SLC14A2: variants seen among roughly 807,000 people sequenced by gnomAD.
SLC14A2 encodes the protein urea transporter 2.
SLC14A2 carries 91 observed loss-of-function variants against 104.6 expected under a neutral mutation model. The ratio of observed to expected loss-of-function variants is 0.87; its 90% CI spans 0.73 to 1.04. The LOEUF is 1.04. Among genes scored for constraint, SLC14A2 ranks in the 50% least tolerant of loss-of-function variants. The pLI is 0.00. For synonymous variants in SLC14A2, 476 were observed against 466.4 expected, an observed-to-expected ratio of 1.02 and a Z score of -0.27; for missense variants, 1,189 against 1,156.0, an observed-to-expected ratio of 1.03 and a Z score of -0.41.
At chr18:45,322,400 A>G (rs534666066) in intron 1 of SLC14A2, among the ~76,000 whole-genome samples, 38 of 152,344 alleles carry the variant, frequency 2.5e-4, no homozygotes, top group African/African-American at 8.2e-4. Context: ...TTAAAAAAAC[A>G]TTTCCAAGGA....
chr18:45,567,393 G>C (rs1245074766), intron 2 of SLC14A2, among the ~76,000 whole-genome samples: 1 of 152,178 alleles, frequency 6.6e-6, no homozygotes, highest in African/African-American at 2.4e-5. Flanking sequence ...GCATCTTAAA[G>C]GGACCCCGAC....
At chr18:45,581,386 G>A (rs1427373987) in intron 2 of SLC14A2, among the ~76,000 whole-genome samples, 5 of 152,194 alleles carry the variant, frequency 3.3e-5, no homozygotes, top group East Asian at 1.9e-4. Flanking sequence ...GCTAAGGAGA[G>A]AGGCCGTGGA....
chr18:45,536,698 G>A lies in SLC14A2; in HGVS notation c.-35+53376G>A, dbSNP rs146777667. On this transcript the variant is annotated intron_variant, in intron 2 of 20. Coordinates refer to the SLC14A2 transcript ENST00000586448. ...GGGTTGGGACTTAAACATATCTTTT[G>A]GGGGGCACAATTCAACCCATGACAA... 9.9e-4 allele frequency among the ~76,000 whole-genome samples: 150 copies of A among 152,216 alleles called. 1 individual carries two copies. The highest frequency in any genetic ancestry group is 3.3e-3 in the African/African-American group (136 of 41,538).
At position 45,639,814 on chromosome 18, in the gene SLC14A2, G is replaced by A. The variant is rs2045489411; in HGVS notation, c.912G>A (p.Val304=). 1.9e-6 allele frequency: 3 copies of A among 1,614,018 alleles called. No individual in the cohort carries two copies. The highest frequency in any genetic ancestry group is 1.7e-6 in the Non-Finnish European group (2 of 1,180,018). ...GTGACAATCCCTGGACAGGCGGCGT[G>A]TTCCTGGTGGCTCTGTTCATCTCCT... ...YGCDNPWTGG[V]FLVALFISSP... is the part of the protein sequence containing the mutation. The change falls in exon 7 of 20, where the codon GTG becomes GTA. Residue 304 remains valine (V), a synonymous_variant. Transcript: ENST00000255226.
chr18:45,412,455 G>T (rs1184973359), intron 1 of SLC14A2, among the ~76,000 whole-genome samples: 2 of 152,162 alleles, frequency 1.3e-5, no homozygotes, highest in African/African-American at 4.8e-5. Flanking sequence ...TGCCAGGTTG[G>T]CTGATATTCT....
intron 1 of SLC14A2, among the ~76,000 whole-genome samples, chr18:45,339,390 A>G (rs984169241): frequency 6.6e-6 from 1 of 152,234 alleles, no homozygotes. Context: ...GCCACTGGTC[A>G]TAACGAGAAA....
intron 2 of SLC14A2, among the ~76,000 whole-genome samples, chr18:45,598,020 C>T (rs956130591): frequency 3.9e-5 from 6 of 152,062 alleles, no homozygotes; most frequent in African/African-American, 9.7e-5. Context: ...GTCATACACA[C>T]CCAATCAGAG....
intron 1 of SLC14A2, among the ~76,000 whole-genome samples, chr18:45,293,681 C>T (rs1213710205): frequency 3.3e-5 from 5 of 152,136 alleles, no homozygotes; most frequent in African/African-American, 1.2e-4. Context: ...AAGCGGGATT[C>T]CAGGTTTGTA....
At chr18:45,341,358 G>A (rs2085391794) in intron 1 of SLC14A2, among the ~76,000 whole-genome samples, 1 of 152,120 alleles carries the variant, frequency 6.6e-6, no homozygotes, top group African/African-American at 2.4e-5. Context: ...AAATGTATTG[G>A]TAACCTCATT....
chr18:45,677,762 G>C (rs550374109), intron 18 of SLC14A2, among the ~76,000 whole-genome samples: 18 of 152,288 alleles, frequency 1.2e-4, no homozygotes, highest in African/African-American at 4.3e-4. Context: ...CCCATTGACA[G>C]CCCCACATTC....
intron 1 of SLC14A2, among the ~76,000 whole-genome samples, chr18:45,306,781 T>A (rs1360068546): frequency 6.6e-6 from 1 of 152,148 alleles, no homozygotes; most frequent in Non-Finnish European, 1.5e-5. Flanking sequence ...AATTGTAAGA[T>A]AAAGTTTTCA....
intron 1 of SLC14A2, among the ~76,000 whole-genome samples, chr18:45,475,902 C>T (rs955545836): frequency 6.6e-6 from 1 of 151,890 alleles, no homozygotes; most frequent in Admixed American, 6.6e-5. Context: ...CTTCTGAATA[C>T]AGCACAGTAA....
chr18:45,513,321 C>T (rs545144125), intron 2 of SLC14A2, among the ~76,000 whole-genome samples: 3 of 152,262 alleles, frequency 2.0e-5, no homozygotes, highest in Admixed American at 2.0e-4. Flanking sequence ...TCATGATGTT[C>T]CCTTTCTCAG....
At chr18:45,298,139 T>C (rs1438187011) in intron 1 of SLC14A2, among the ~76,000 whole-genome samples, 2 of 147,136 alleles carry the variant, frequency 1.4e-5, no homozygotes, top group African/African-American at 5.0e-5. Flanking sequence ...CACATAAGCA[T>C]CTTTTTAAAA....
At chr18:45,502,915 G>GT (rs1411245235) in intron 2 of SLC14A2, among the ~76,000 whole-genome samples, 1 of 148,970 alleles carries the variant, frequency 6.7e-6, no homozygotes, top group African/African-American at 2.5e-5. Context: ...TCCTATTTCT[G>GT]GTTTTTTTTT....
At chr18:45,294,136 C>T (rs1436605267) in intron 1 of SLC14A2, among the ~76,000 whole-genome samples, 2 of 152,126 alleles carry the variant, frequency 1.3e-5, no homozygotes, top group Non-Finnish European at 2.9e-5. Context: ...GAATGAGAGT[C>T]TTCACATTCT....
intron 1 of SLC14A2, among the ~76,000 whole-genome samples, chr18:45,294,690 T>C (rs2084902966): frequency 6.6e-6 from 1 of 152,242 alleles, no homozygotes; most frequent in Non-Finnish European, 1.5e-5. Flanking sequence ...TATATTTGGC[T>C]GCACAATACA....
chr18:45,519,636 G>A (rs901846927), intron 2 of SLC14A2, among the ~76,000 whole-genome samples: 2 of 152,196 alleles, frequency 1.3e-5, no homozygotes, highest in African/African-American at 2.4e-5. Flanking sequence ...GAGTAAGCAC[G>A]AAGAAGGAGG....
At chr18:45,529,740 T>C (rs1427175524) in intron 2 of SLC14A2, 1 of 152,164 alleles carries the variant, frequency 6.6e-6, no homozygotes, top group Non-Finnish European at 1.5e-5. Flanking sequence ...ACATGGTCAC[T>C]TCACATGTTC....
Sources: allele counts gnomAD v4.1 joint callset (sites outside exome capture counted in the v4.1 genomes callset), GRCh38; gene constraint gnomAD v4.1.1; transcripts MANE v1.5; gene names NCBI Gene and HGNC (gene_info 2026-07-23, HGNC 2026-07-21).